FAM13A: variants seen among roughly 807,000 people sequenced by gnomAD.
FAM13A encodes family with sequence similarity 13 member A, also known as protein FAM13A.
FAM13A carries 76 observed loss-of-function variants against 129.6 expected under a neutral mutation model. The observed-to-expected ratio is 0.59, with a 90% CI of 0.49 to 0.71. FAM13A has a LOEUF of 0.71. Ranked by LOEUF, FAM13A falls within the 30% of genes least tolerant of loss-of-function variation. The pLI, the probability that FAM13A is intolerant of heterozygous loss-of-function variation, is 0.00. For synonymous variants in FAM13A, 443 were observed against 449.9 expected, an observed-to-expected ratio of 0.98 and a Z score of 0.20; for missense variants, 1,108 against 1,249.3, an observed-to-expected ratio of 0.89 and a Z score of 1.70.
At chr4:88,925,479 C>G (rs925739924) in intron 5 of FAM13A, among the ~76,000 whole-genome samples, 1 of 146,966 alleles carries the variant, frequency 6.8e-6, no homozygotes, top group African/African-American at 2.5e-5. Flanking sequence ...ACTGCGTGTT[C>G]TCACTCATAG....
intron 6 of FAM13A, among the ~76,000 whole-genome samples, chr4:88,876,105 C>A (rs375983956): frequency 1.3e-5 from 2 of 152,092 alleles, no homozygotes; most frequent in East Asian, 1.9e-4. Context: ...AACACTTGGA[C>A]ACAGGGTGGG....
chr4:89,014,467 A>T (rs2149093082), intron 3 of FAM13A, among the ~76,000 whole-genome samples: 1 of 152,314 alleles, frequency 6.6e-6, no homozygotes, highest in African/African-American at 2.4e-5. Flanking sequence ...AAGTTTGGTG[A>T]TGTTTTTGTA....
intron 7 of FAM13A, among the ~76,000 whole-genome samples, chr4:88,834,055 A>ATT (rs922832858): frequency 9.3e-4 from 78 of 84,170 alleles, no homozygotes; most frequent in African/African-American, 1.7e-3. Context: ...AGGCCTGGCT[A>ATT]TTTTTTTTTT....
Position 88,781,365 on chromosome 4 carries a change from A to G in FAM13A, c.1272-14T>C, listed in dbSNP as rs368057305. ...TTGATAAGTCCCCTTGAATTGAGAA[A>G]AAAGCTTAATTTTATTTTAAAAGAT... On this transcript the variant is annotated splice_polypyrimidine_tract_variant and intron_variant, in intron 10 of 23. Coordinates refer to ENST00000264344, the MANE Select transcript of FAM13A (RefSeq NM_014883.4). The G allele has an allele frequency of 1.5e-4, 227 of 1,560,960 alleles. 1 individual carries two copies. In the African/African-American group the frequency reaches 2.8e-3, roughly 19 times the overall value.
intron 5 of FAM13A, among the ~76,000 whole-genome samples, chr4:88,911,392 T>A (rs1433754663): frequency 3.3e-5 from 5 of 152,248 alleles, no homozygotes; most frequent in Non-Finnish European, 2.9e-5. Context: ...CTCCCTCATG[T>A]ACAGCAATTC....
chr4:88,889,244 A>G (rs4693974), intron 6 of FAM13A, among the ~76,000 whole-genome samples: 85,440 of 152,022 alleles, frequency 0.56, 24,193 homozygotes, highest in Admixed American at 0.6. Flanking sequence ...TGAAGTGTGA[A>G]TGGGATTGTT....
At chr4:88,946,253 T>C (rs2148852928) in intron 4 of FAM13A, among the ~76,000 whole-genome samples, 1 of 151,834 alleles carries the variant, frequency 6.6e-6, no homozygotes, top group South Asian at 2.1e-4. Context: ...CAATGGAAAC[T>C]GGACACAGCA....
intron 6 of FAM13A, among the ~76,000 whole-genome samples, chr4:88,891,343 A>T (rs917537937): frequency 2.0e-5 from 3 of 152,142 alleles, no homozygotes; most frequent in Non-Finnish European, 4.4e-5. Flanking sequence ...AGGCACGAAC[A>T]TGGGAGATTG....
intron 8 of FAM13A, among the ~76,000 whole-genome samples, chr4:88,797,524 G>A (rs1047598861): frequency 3.9e-5 from 6 of 152,072 alleles, no homozygotes; most frequent in Non-Finnish European, 5.9e-5. Context: ...TCTGGCCTCC[G>A]AAAGTGCTGG....
chr4:88,897,637 A>G lies in FAM13A; in HGVS notation c.843+8742T>C, dbSNP rs184599604. Among the ~76,000 whole-genome samples, 306 of 152,322 alleles carry G rather than the reference A, an allele frequency of 2.0e-3. 2 individuals carry two copies. The highest frequency in any genetic ancestry group is 6.8e-3 in the African/African-American group (283 of 41,562). On this transcript the variant is annotated intron_variant, in intron 6 of 23. Transcript: ENST00000264344. ...ATACGGCTGTAACTAAAGATGTCTG[A>G]GAAAGACAGCAATGGAGGCCAAATG... is the stretch of plus-strand genomic sequence containing the variant.
At chr4:88,915,226 A>T (rs944376690) in intron 5 of FAM13A, among the ~76,000 whole-genome samples, 3 of 152,230 alleles carry the variant, frequency 2.0e-5, no homozygotes, top group Admixed American at 6.5e-5. Context: ...TCTGCAATTC[A>T]TCTATATCTC....
intron 5 of FAM13A, among the ~76,000 whole-genome samples, chr4:88,926,431 A>C (rs1752174789): frequency 6.6e-6 from 1 of 152,358 alleles, no homozygotes; most frequent in South Asian, 2.1e-4. Flanking sequence ...GATTTAAAGT[A>C]GTCAGCTTCT....
chr4:88,896,309 C>T (rs1385785064), intron 6 of FAM13A, among the ~76,000 whole-genome samples: 3 of 151,608 alleles, frequency 2.0e-5, no homozygotes, highest in East Asian at 1.9e-4. Flanking sequence ...TTGGGAGATA[C>T]ACCTAATGCT....
chr4:88,806,691 G>A (rs563265132), intron 7 of FAM13A, among the ~76,000 whole-genome samples: 150 of 152,214 alleles, frequency 9.9e-4, no homozygotes, highest in Non-Finnish European at 9.3e-4. Flanking sequence ...CAGGTGAGGG[G>A]TAAGTGATGG....
At chr4:89,053,511 C>T (rs558835086) in intron 1 of FAM13A, among the ~76,000 whole-genome samples, 10 of 152,184 alleles carry the variant, frequency 6.6e-5, no homozygotes, top group African/African-American at 2.2e-4. Context: ...CTTTCTGTAA[C>T]GCGACTGTAC....
At position 88,727,904 on chromosome 4, in the gene FAM13A, A is replaced by G. The variant is rs1736740597; in HGVS notation, c.*629T>C. The G allele has an allele frequency of 2.0e-5, 3 of 152,632 alleles. No homozygotes were observed. The highest frequency in any genetic ancestry group is 4.8e-5 in the African/African-American group (2 of 41,462). The allele number at this position is 152,632 out of a possible 1,614,324, so 9.5% of individuals were successfully genotyped here. A position where few individuals can be genotyped will look rare whatever the true frequency, so the allele number is the denominator to read the frequency against. On this transcript the variant is annotated 3_prime_UTR_variant, in exon 24 of 24. Transcript: ENST00000264344. ...GAAGTCCTGAAGAAACATCCTGAAGATGATGACTGCACTGCCATCGTGGGC... is the reference window on the plus strand; with the variant it reads ...GAAGTCCTGAAGAAACATCCTGAAGGTGATGACTGCACTGCCATCGTGGGC...
chr4:88,874,651 A>C (rs1186877680), intron 6 of FAM13A, among the ~76,000 whole-genome samples: 1 of 152,222 alleles, frequency 6.6e-6, no homozygotes, highest in Non-Finnish European at 1.5e-5. Context: ...AGACACAAAC[A>C]AATGGAAGAA....
intron 6 of FAM13A, among the ~76,000 whole-genome samples, chr4:88,879,344 T>A (rs1285008669): frequency 1.3e-5 from 2 of 152,196 alleles, no homozygotes; most frequent in Non-Finnish European, 2.9e-5. Context: ...TAGTATAACA[T>A]GCTATAGCAT....
intron 7 of FAM13A, among the ~76,000 whole-genome samples, chr4:88,835,015 T>A (rs1195386869): frequency 5.3e-5 from 8 of 152,172 alleles, no homozygotes; most frequent in Non-Finnish European, 8.8e-5. Flanking sequence ...AAATTCAGAT[T>A]GTACAGAATT....
Sources: allele counts gnomAD v4.1 joint callset (sites outside exome capture counted in the v4.1 genomes callset), GRCh38; gene constraint gnomAD v4.1.1; transcripts MANE v1.5; gene names NCBI Gene and HGNC (gene_info 2026-07-23, HGNC 2026-07-21).